XRCC5: variants seen among roughly 807,000 people sequenced by gnomAD.
The protein encoded by XRCC5 is X-ray repair cross complementing 5, also known as DNA repair protein Ku80.
A neutral mutation model predicts 95.7 loss-of-function variants in XRCC5; 12 were observed. The ratio of observed to expected loss-of-function variants is 0.13; its 90% CI spans 0.08 to 0.20. XRCC5 has a LOEUF of 0.20. XRCC5 is among the 10% of genes least tolerant of loss of function. The pLI is 1.00. For synonymous variants in XRCC5, 281 were observed against 290.3 expected (o/e 0.97, Z 0.33); for missense variants, 595 against 873.9 (o/e 0.68, Z 4.02).
At chr2:216,164,190 T>G (rs1689008554) in intron 16 of XRCC5, among the ~76,000 whole-genome samples, 1 of 152,194 alleles carries the variant, frequency 6.6e-6, no homozygotes, top group South Asian at 2.1e-4. Flanking sequence ...GACTATTGTG[T>G]TTTTGAAGGA....
intron 11 of XRCC5, 126 bp downstream of exon 11, chr2:216,137,351 A>G (rs1389353567): frequency 1.8e-6 from 2 of 1,139,886 alleles, no homozygotes; most frequent in African/African-American, 3.2e-5. Context: ...CTCATTGTGT[A>G]GTTCTGGGGC....
intron 16 of XRCC5, among the ~76,000 whole-genome samples, chr2:216,172,405 A>C (rs2106034124): frequency 6.6e-6 from 1 of 152,012 alleles, no homozygotes; most frequent in South Asian, 2.1e-4. Context: ...TCTTTTCTAA[A>C]AATGTTTTAA....
At chr2:216,179,822 G>A (rs964290903) in intron 16 of XRCC5, among the ~76,000 whole-genome samples, 2 of 152,194 alleles carry the variant, frequency 1.3e-5, no homozygotes, top group Admixed American at 6.5e-5. Context: ...GTTTGAAGTA[G>A]CGAATGATCT....
intron 15 of XRCC5, among the ~76,000 whole-genome samples, chr2:216,160,984 G>GC (rs906741819): frequency 1.3e-5 from 2 of 152,104 alleles, no homozygotes; most frequent in Non-Finnish European, 2.9e-5. Context: ...ATGAGTCACT[G>GC]CACCCAGCCA....
chr2:216,199,132 C>G (rs1689788132), intron 19 of XRCC5, among the ~76,000 whole-genome samples: 2 of 152,190 alleles, frequency 1.3e-5, no homozygotes, highest in African/African-American at 2.4e-5. Context: ...GGAAACTTGA[C>G]TATAATCACT....
intron 16 of XRCC5, among the ~76,000 whole-genome samples, chr2:216,163,873 A>G (rs1574473565): frequency 1.3e-5 from 2 of 152,226 alleles, no homozygotes; most frequent in African/African-American, 4.8e-5. Context: ...TGGGGTGTAT[A>G]TGTTTTTGGT....
At chr2:216,153,908 C>A (rs1468289543) in intron 14 of XRCC5, among the ~76,000 whole-genome samples, 1 of 152,234 alleles carries the variant, frequency 6.6e-6, no homozygotes, top group African/African-American at 2.4e-5. Flanking sequence ...TTCAGTAAGC[C>A]AGAAATGGCT....
At chr2:216,134,069 GGATTGTTTTCTTGTAA>G (rs1455361837) in intron 10 of XRCC5, among the ~76,000 whole-genome samples, 2 of 152,166 alleles carry the variant, frequency 1.3e-5, no homozygotes, top group Non-Finnish European at 2.9e-5. Flanking sequence ...TGTCCCCACT[GGATTGTTTTCTTGTAA>G]GATGATCAGA....
chr2:216,165,561 A>G (rs16855522), intron 16 of XRCC5, among the ~76,000 whole-genome samples: 22,067 of 152,140 alleles, frequency 0.15, 1,699 homozygotes, highest in African/African-American at 0.19. Flanking sequence ...TTTTTCCGCT[A>G]GGGCATCTTT....
At chr2:216,128,864 A>G (rs1696935658) in intron 8 of XRCC5, among the ~76,000 whole-genome samples, 1 of 152,196 alleles carries the variant, frequency 6.6e-6, no homozygotes. Context: ...AGGCTGAAAG[A>G]CACTCGTTCA....
intron 15 of XRCC5, 21 bp downstream of exon 15, chr2:216,160,182 G>A: frequency 6.5e-7 from 1 of 1,547,800 alleles, no homozygotes; most frequent in South Asian, 1.2e-5. Context: ...CTTTTCAAGT[G>A]CGCTTCCCCC....
At chr2:216,167,154 A>G (rs1465081264) in intron 16 of XRCC5, among the ~76,000 whole-genome samples, 2 of 152,198 alleles carry the variant, frequency 1.3e-5, no homozygotes, top group African/African-American at 2.4e-5. Flanking sequence ...TGACTCATGT[A>G]CAAGAGAGCA....
chr2:216,132,415 G>A (rs957550502), intron 10 of XRCC5, 28 bp downstream of exon 10: 11 of 1,609,872 alleles, frequency 6.8e-6, no homozygotes, highest in Non-Finnish European at 9.4e-6. Context: ...CTTTGAGGTA[G>A]TGCTACAGAA....
At chr2:216,167,426 G>A (rs549975708) in intron 16 of XRCC5, among the ~76,000 whole-genome samples, 1 of 152,148 alleles carries the variant, frequency 6.6e-6, no homozygotes, top group Non-Finnish European at 1.5e-5. Flanking sequence ...TTCAGTGTTG[G>A]TTTTGTATGG....
intron 16 of XRCC5, chr2:216,175,112 C>T: frequency 2.9e-6 from 1 of 339,748 alleles, no homozygotes; most frequent in South Asian, 2.8e-5. Context: ...CCATCATATC[C>T]TTCACCACTA....
intron 16 of XRCC5, chr2:216,174,920 C>A: frequency 2.9e-6 from 1 of 349,704 alleles, no homozygotes; most frequent in South Asian, 2.8e-5. Flanking sequence ...CCATATCCGT[C>A]ACGTCTACCG....
intron 16 of XRCC5, among the ~76,000 whole-genome samples, chr2:216,184,564 C>T (rs1459623985): frequency 6.6e-6 from 1 of 152,216 alleles, no homozygotes; most frequent in Non-Finnish European, 1.5e-5. Context: ...GCAACTTCTG[C>T]CTCCCAGGCT....
intron 6 of XRCC5, among the ~76,000 whole-genome samples, chr2:216,124,185 C>T (rs926040778): frequency 5.3e-5 from 8 of 152,182 alleles, no homozygotes; most frequent in Non-Finnish European, 1.2e-4. Flanking sequence ...CCATATAGAT[C>T]TTAGGAAGAG....
At chr2:216,144,137 G>A (rs183583756) in intron 13 of XRCC5, among the ~76,000 whole-genome samples, 1 of 152,256 alleles carries the variant, frequency 6.6e-6, no homozygotes, top group Admixed American at 6.5e-5. Flanking sequence ...TTTGCAAGTG[G>A]GTGACTTAGG....
Sources: gnomAD v4.1 joint callset for allele counts (sites outside exome capture counted in the v4.1 genomes callset) on GRCh38, gnomAD v4.1.1 for gene constraint, MANE v1.5 for transcripts, NCBI Gene and HGNC (gene_info 2026-07-23, HGNC 2026-07-21) for gene names.